The following EFNB2 variants were observed in gnomAD, a reference collection of about 807,000 sequenced individuals.
The protein encoded by EFNB2 is ephrin B2.
Under a neutral mutation model 32.1 loss-of-function variants are expected in EFNB2, and 5 were observed. The ratio of observed to expected loss-of-function variants is 0.16; its 90% confidence interval spans 0.08 to 0.33. EFNB2 has a LOEUF of 0.33. Among genes scored for constraint, EFNB2 ranks in the 10% least tolerant of loss-of-function variants. The probability of loss-of-function intolerance (pLI) is 1.00; values close to 1 mark genes in which losing one functional copy is unlikely to be tolerated. For missense variants in EFNB2, 263 were observed against 422.6 expected (o/e 0.62, Z 3.31); for synonymous variants, 168 against 166.5 (o/e 1.01, Z -0.07).
At position 106,495,627 on chromosome 13, in the gene EFNB2, G is replaced by A. The variant is rs1051788789; in HGVS notation, c.499+121C>T. 2.4e-5 allele frequency: 22 copies of A among 902,756 alleles called. No homozygotes were observed. In the African/African-American group the frequency reaches 3.2e-4, roughly 13 times the overall value. 55.9% of individuals were successfully genotyped at this position (902,756 alleles called of 1,614,324 possible). ...CTGTCAGTGGCTCAAAGTGCAGAAG[G>A]GTTTGCTTTGAAAACTAAAAAGAAG... On this transcript the variant is annotated intron_variant, in intron 3 of 4. Coordinates refer to ENST00000646441, the MANE Select transcript of EFNB2 (RefSeq NM_004093.4).
chr13:106,526,599 G>T (rs1879709915), intron 1 of EFNB2, among the ~76,000 whole-genome samples: 1 of 152,080 alleles, frequency 6.6e-6, no homozygotes, highest in African/African-American at 2.4e-5. Flanking sequence ...GGGATTCAAG[G>T]CCTACGAGAA....
Position 106,493,114 on chromosome 13 carries a change from C to A in EFNB2, c.928G>T (p.Asp310Tyr). The A allele has an allele frequency of 6.2e-7, 1 of 1,614,014 alleles. No individual in the cohort carries two copies. Among genetic ancestry groups the A allele is most frequent in the Non-Finnish European group, 8.5e-7 (1 of 1,180,030 alleles). ...FCPHYEKVSGDYGHPVYIVQE... is the reference protein window; with the variant it reads ...FCPHYEKVSGYYGHPVYIVQE... ...ACGATGTACACCGGGTGCCCGTAGT[C>A]CCCGCTGACCTTCTCGTAGTGAGGG... Residue 310 changes from aspartate (D) to tyrosine (Y), a missense_variant, in exon 5 of 5, where the codon GAC (aspartate) becomes TAC (tyrosine). Asp to Tyr is a radical substitution (Grantham distance 160). Coordinates refer to ENST00000646441, the MANE Select transcript of EFNB2 (RefSeq NM_004093.4). The surrounding 1 kb of genome is among the most constrained non-coding windows in gnomAD (Gnocchi z 6.1).
chr13:106,494,913 G>A lies in EFNB2; in HGVS notation c.581C>T (p.Ser194Leu), dbSNP rs1289393194. ...TGGTTTTACAAAGGGACTTGTTGTC[G>A]AACTTCTTCCATTTGTACCAGCTTC... is the stretch of plus-strand genomic sequence containing the variant. ...ELEAGTNGRS[S>L]TTSPFVKPNP... The change falls in exon 4 of 5, where the codon TCG (serine) becomes TTG (leucine). Residue 194 changes from serine to leucine, a missense_variant. Physicochemically the swap from Ser to Leu is moderately radical, Grantham distance 145 (BLOSUM62 -2). Around this residue, in one of 3 missense-constraint regions of EFNB2, gnomAD observed 172 missense variants for 237.1 expected, o/e 0.73. Coordinates refer to ENST00000646441, the MANE Select transcript of EFNB2 (RefSeq NM_004093.4). The A allele has an allele frequency of 4.3e-6, 7 of 1,614,116 alleles. No individual in the cohort carries two copies. Among genetic ancestry groups the A allele is most frequent in the South Asian group, 3.3e-5 (3 of 91,078 alleles).
chr13:106,527,497 C>T (rs942455405), intron 1 of EFNB2, among the ~76,000 whole-genome samples: 1 of 152,178 alleles, frequency 6.6e-6, no homozygotes. Flanking sequence ...AGGGCAGAAA[C>T]AACTTGTTTA....
At chr13:106,500,475 A>G (rs1478797878) in intron 2 of EFNB2, among the ~76,000 whole-genome samples, 2 of 152,232 alleles carry the variant, frequency 1.3e-5, no homozygotes, top group Non-Finnish European at 2.9e-5. Flanking sequence ...GCGTATTTGT[A>G]TGGGGCCAGG....
intron 1 of EFNB2, among the ~76,000 whole-genome samples, chr13:106,525,090 G>C (rs1396284800): frequency 6.6e-6 from 1 of 152,206 alleles, no homozygotes; most frequent in Admixed American, 6.5e-5. Context: ...GTGTTTGATT[G>C]ATTGGTTCAT....
intron 2 of EFNB2, among the ~76,000 whole-genome samples, chr13:106,502,350 C>T (rs1289107241): frequency 1.3e-5 from 2 of 152,172 alleles, no homozygotes; most frequent in South Asian, 4.1e-4. Flanking sequence ...AATGGATGCT[C>T]TTAAAGAAAA....
At chr13:106,534,267 G>A (rs1173488768) in intron 1 of EFNB2, among the ~76,000 whole-genome samples, 4 of 152,198 alleles carry the variant, frequency 2.6e-5, no homozygotes, top group African/African-American at 9.6e-5. Context: ...TGCGAAGCAG[G>A]CGAGCTCCCC....
intron 2 of EFNB2, 133 bp downstream of exon 2, chr13:106,512,396 G>A: frequency 1.7e-6 from 1 of 585,638 alleles, no homozygotes. Flanking sequence ...AAAAAAAGGG[G>A]GGGGGGACAA....
chr13:106,534,951 C>T lies in EFNB2; in HGVS notation c.14G>A (p.Arg5Lys). The T allele has an allele frequency of 6.2e-7, 1 of 1,613,326 alleles. No individual in the cohort carries two copies. The highest frequency in any genetic ancestry group is 1.7e-5 in the Admixed American group (1 of 59,918). Residue 5 changes from arginine (R) to lysine (K), a missense_variant, in exon 1 of 5, where the codon AGG becomes AAG. Arg to Lys is a conservative substitution (Grantham distance 26, BLOSUM62 2). This residue lies in a region of EFNB2 where 46 missense variants were observed against 56.9 expected (regional missense o/e 0.81). Transcript: ENST00000646441. MAVRRDSVWKYCWGV... is the reference protein window; with the variant it reads MAVRKDSVWKYCWGV... Reference sequence around the variant, plus strand: ...CCAGCAGTACTTCCACACGGAGTCCCTTCTCACAGCCATGGCGAAGCCACT... The same window carrying T: ...CCAGCAGTACTTCCACACGGAGTCCTTTCTCACAGCCATGGCGAAGCCACT...
rs545537084 is a variant in EFNB2, at chr13:106,512,409, T to C, written c.406+120A>G. The C allele has an allele frequency of 7.4e-4, 527 of 709,312 alleles. 6 individuals are homozygous for C. In the African/African-American group the frequency reaches 8.8e-3, roughly 12 times the overall value. The allele number at this position is 709,312 out of a possible 1,614,324, so 43.9% of individuals were successfully genotyped here. A position where few individuals can be genotyped will look rare whatever the true frequency, so the allele number is the denominator to read the frequency against. ...AAAAAAAAAGGGGGGGGGGACAATT[T>C]TTCCACATAGATTTTCATCAAATTA... On this transcript the variant is annotated intron_variant, in intron 2 of 4. Coordinates refer to ENST00000646441, the MANE Select transcript of EFNB2 (RefSeq NM_004093.4).
rs578171645 is a variant in EFNB2, at chr13:106,509,377, C to T, written c.406+3152G>A. On this transcript the variant is annotated intron_variant, in intron 2 of 4. Transcript: ENST00000646441. ...ATAACATATTTATTATAACACTGCT[C>T]GTTCTGAAGGCGCTTACCAACTAGA... Among the ~76,000 whole-genome samples the T allele has an allele frequency of 4.7e-4, 71 of 152,248 alleles. No homozygotes were observed. The South Asian group carries it at 0.014, about 30-fold the overall frequency.
intron 1 of EFNB2, among the ~76,000 whole-genome samples, chr13:106,526,431 A>G (rs1728026834): frequency 1.3e-5 from 2 of 152,170 alleles, no homozygotes; most frequent in Admixed American, 1.3e-4. Context: ...GTTCTTTCTA[A>G]GTACATCTAA....
Position 106,517,815 on chromosome 13 carries a change from C to G in EFNB2, c.123-5003G>C, listed in dbSNP as rs140951010. On this transcript the variant is annotated intron_variant, in intron 1 of 4. Coordinates refer to ENST00000646441, the MANE Select transcript of EFNB2 (RefSeq NM_004093.4). The stretch of plus-strand genomic sequence containing the variant: ...AGTAGGGCTTCCAAACTTAACATGA[C>G]TATGGTGAAAAGATCTGATATTGGA... 7.9e-5 allele frequency: 12 copies of G among 152,286 alleles called. No individual in the cohort carries two copies. The East Asian group carries it at 2.3e-3, about 29-fold the overall frequency. The allele number at this position is 152,286 out of a possible 1,614,324, so 9.4% of individuals were successfully genotyped here.
intron 4 of EFNB2, among the ~76,000 whole-genome samples, chr13:106,494,328 G>A (rs896647942): frequency 6.6e-6 from 1 of 152,184 alleles, no homozygotes; most frequent in Non-Finnish European, 1.5e-5. Context: ...GAAAACGAAG[G>A]TCAACGACGG....
intron 2 of EFNB2, among the ~76,000 whole-genome samples, chr13:106,500,733 C>T (rs757468282): frequency 6.6e-6 from 1 of 152,206 alleles, no homozygotes; most frequent in Non-Finnish European, 1.5e-5. Flanking sequence ...CATGTCCTCA[C>T]ATGCTAGCCT....
intron 1 of EFNB2, chr13:106,517,540 C>A (rs1269884856): frequency 1.3e-5 from 2 of 152,220 alleles, no homozygotes. Flanking sequence ...AAGGCTGCCT[C>A]TTCCTTTCCA....
chr13:106,534,638 G>A (rs1161580173), intron 1 of EFNB2, among the ~76,000 whole-genome samples: 1 of 148,892 alleles, frequency 6.7e-6, no homozygotes, highest in African/African-American at 2.4e-5. Context: ...AAGGCGGAGA[G>A]ACCGTCCGTT....
At chr13:106,513,173 T>C (rs1879200624) in intron 1 of EFNB2, among the ~76,000 whole-genome samples, 1 of 152,194 alleles carries the variant, frequency 6.6e-6, no homozygotes, top group Non-Finnish European at 1.5e-5. Context: ...TGTTATTTTT[T>C]AACCATTGGC....
Sources: allele counts gnomAD v4.1 joint callset (sites outside exome capture counted in the v4.1 genomes callset), GRCh38; gene constraint gnomAD v4.1.1; regional missense constraint gnomAD v4.1.1; non-coding constraint Gnocchi (gnomAD v3.1); transcripts MANE v1.5; gene names NCBI Gene and HGNC (gene_info 2026-07-23, HGNC 2026-07-21).